SMIM31: variants seen among roughly 807,000 people sequenced by gnomAD.
SMIM31 encodes the protein small integral membrane protein 31, also known as human epithelial cell program regulator.
At chr4:164,763,363 T>G (rs10517823) in intron 1 of SMIM31, among the ~76,000 whole-genome samples, 19,761 of 152,140 alleles carry the variant, frequency 0.13, 1,542 homozygotes, top group African/African-American at 0.21. Flanking sequence ...AACTCAGAAA[T>G]TGTTATTAAA....
intron 2 of SMIM31, among the ~76,000 whole-genome samples, chr4:164,784,684 C>G (rs891630061): frequency 6.6e-6 from 1 of 152,104 alleles, no homozygotes; most frequent in Non-Finnish European, 1.5e-5. Flanking sequence ...GTTTGGGAAT[C>G]CTGGGTCCTA....
intron 1 of SMIM31, among the ~76,000 whole-genome samples, chr4:164,769,875 T>C (rs1732771463): frequency 6.6e-6 from 1 of 152,130 alleles, no homozygotes; most frequent in African/African-American, 2.4e-5. Context: ...AGTGTCAGTA[T>C]AGTATATTGA....
chr4:164,788,123 T>C (rs943859693), intron 2 of SMIM31, among the ~76,000 whole-genome samples: 2 of 152,178 alleles, frequency 1.3e-5, no homozygotes, highest in African/African-American at 4.8e-5. Context: ...AAAATAAATA[T>C]CGTCAGCAAT....
intron 1 of SMIM31, among the ~76,000 whole-genome samples, chr4:164,756,115 A>G: frequency 6.6e-6 from 1 of 152,326 alleles, no homozygotes; most frequent in South Asian, 2.1e-4. Flanking sequence ...TTGAGATAAA[A>G]TTCAATTAGA....
At chr4:164,758,556 G>A (rs1036685346) in intron 1 of SMIM31, among the ~76,000 whole-genome samples, 3 of 150,386 alleles carry the variant, frequency 2.0e-5, no homozygotes, top group African/African-American at 7.3e-5. Flanking sequence ...TTTTTATCAT[G>A]AAGAGTGTTA....
At chr4:164,776,006 G>A (rs1391246928) in intron 2 of SMIM31, among the ~76,000 whole-genome samples, 1 of 152,064 alleles carries the variant, frequency 6.6e-6, no homozygotes, top group African/African-American at 2.4e-5. Context: ...AATCTCCCAG[G>A]CAGAAACCTT....
chr4:164,774,102 C>T lies in SMIM31; in HGVS notation c.112+3547C>T, dbSNP rs185245756. ...AATGGCATGAACCCGGGAGGTGGAGCATGCCGTGAGCTGAGATTGTGCCAC... is the reference window on the plus strand; with the variant it reads ...AATGGCATGAACCCGGGAGGTGGAGTATGCCGTGAGCTGAGATTGTGCCAC... On this transcript the variant is annotated intron_variant, in intron 2 of 2. Coordinates refer to ENST00000507311, the MANE Select transcript of SMIM31 (RefSeq NM_001352885.1). Among the ~76,000 whole-genome samples, 391 of 148,514 alleles carry T rather than the reference C, an allele frequency of 2.6e-3. 2 individuals are homozygous for T. The highest frequency in any genetic ancestry group is 4.2e-3 in the Non-Finnish European group (282 of 67,600).
At chr4:164,774,677 T>G (rs1200736213) in intron 2 of SMIM31, among the ~76,000 whole-genome samples, 6 of 152,218 alleles carry the variant, frequency 3.9e-5, no homozygotes, top group Admixed American at 1.3e-4. Context: ...CATCCATTAT[T>G]TGTCTAAAAT....
At chr4:164,755,216 A>G (rs957159508) in intron 1 of SMIM31, among the ~76,000 whole-genome samples, 52 of 151,590 alleles carry the variant, frequency 3.4e-4, no homozygotes, top group African/African-American at 1.2e-3. Context: ...ACGGTGGCTC[A>G]TGCCTGTAAT....
intron 2 of SMIM31, among the ~76,000 whole-genome samples, chr4:164,800,232 T>G (rs79463116): frequency 6.6e-6 from 1 of 151,986 alleles, no homozygotes; most frequent in South Asian, 2.1e-4. Context: ...TTTTTTTTTT[T>G]GACAAAGTCT....
Position 164,801,044 on chromosome 4 carries a change from C to G in SMIM31, c.113-47C>G, listed in dbSNP as rs1733276386. 2.5e-5 allele frequency: 10 copies of G among 398,020 alleles called. No individual in the cohort carries two copies. In the East Asian group the frequency reaches 3.6e-4, roughly 14 times the overall value. 24.7% of individuals were successfully genotyped at this position (398,020 alleles called of 1,614,324 possible). On this transcript the variant is annotated intron_variant, in intron 2 of 2. Transcript: ENST00000507311. ...AACCGAAGTTAATTTCTACTTTTTCCAAATGGTGTATTTACATTCCTTTTT... is the reference window on the plus strand; with the variant it reads ...AACCGAAGTTAATTTCTACTTTTTCGAAATGGTGTATTTACATTCCTTTTT...
chr4:164,755,168 T>C (rs1325436638), intron 1 of SMIM31, among the ~76,000 whole-genome samples: 1 of 151,496 alleles, frequency 6.6e-6, no homozygotes, highest in African/African-American at 2.4e-5. Flanking sequence ...TTAATTTAAT[T>C]AGAAATATTT....
intron 2 of SMIM31, among the ~76,000 whole-genome samples, chr4:164,791,260 A>C (rs985858590): frequency 1.3e-5 from 2 of 152,186 alleles, no homozygotes; most frequent in African/African-American, 2.4e-5. Flanking sequence ...TAGACATACA[A>C]ATTTATTTGC....
intron 2 of SMIM31, among the ~76,000 whole-genome samples, chr4:164,785,742 GTATGCACATATATATATA>G (rs1408663035): frequency 2.1e-5 from 3 of 141,274 alleles, no homozygotes; most frequent in Non-Finnish European, 3.1e-5. Context: ...TCTTGTGTGT[GTATGCACATATATATATA>G]TATACACATA....
At position 164,754,135 on chromosome 4, in the gene SMIM31, C is replaced by T. The variant is rs952503537; in HGVS notation, c.-302C>T. 3 of 152,186 alleles carry T rather than the reference C, an allele frequency of 2.0e-5. No homozygotes were observed. The highest frequency in any genetic ancestry group is 4.4e-5 in the Non-Finnish European group (3 of 68,054). The allele number at this position is 152,186 out of a possible 1,614,324, so 9.4% of individuals were successfully genotyped here. ...TACGTTTCATTACAGTTTCCTGTTT[C>T]CTTCTTGATCCTTCACAAGGGAAGA... On this transcript the variant is annotated 5_prime_UTR_variant, in exon 1 of 3. Coordinates refer to ENST00000507311, the MANE Select transcript of SMIM31 (RefSeq NM_001352885.1).
intron 2 of SMIM31, among the ~76,000 whole-genome samples, chr4:164,778,591 A>G (rs913948109): frequency 4.6e-5 from 7 of 152,222 alleles, no homozygotes; most frequent in Admixed American, 2.6e-4. Flanking sequence ...AGCACTTAAC[A>G]TATTTAAGCC....
chr4:164,764,523 C>T (rs1056286310), intron 1 of SMIM31, among the ~76,000 whole-genome samples: 7 of 149,582 alleles, frequency 4.7e-5, no homozygotes, highest in African/African-American at 1.5e-4. Context: ...GCCAAGATCG[C>T]GCCACTGCAC....
In SMIM31 at chr4:164,776,142, T is replaced by A. The variant is rs77512051; in HGVS notation, c.112+5587T>A. 2.1e-3 allele frequency among the ~76,000 whole-genome samples: 325 copies of A among 152,270 alleles called. 1 individual carries two copies. The highest frequency in any genetic ancestry group is 7.4e-3 in the African/African-American group (309 of 41,554). On this transcript the variant is annotated intron_variant, in intron 2 of 2. Transcript: ENST00000507311. The stretch of plus-strand genomic sequence containing the variant: ...CCCCTCCTCCCCCTCTACTTGAATC[T>A]TACTTATTCTTCAAATAAGTCATTT...
chr4:164,775,725 G>A (rs1259716549), intron 2 of SMIM31, among the ~76,000 whole-genome samples: 2 of 152,156 alleles, frequency 1.3e-5, no homozygotes, highest in Non-Finnish European at 2.9e-5. Context: ...TGCTTAGTAG[G>A]ATTACAGCTA....
Sources: gnomAD v4.1 joint callset for allele counts (sites outside exome capture counted in the v4.1 genomes callset) on GRCh38, gnomAD v4.1.1 for gene constraint, MANE v1.5 for transcripts, NCBI Gene and HGNC (gene_info 2026-07-23, HGNC 2026-07-21) for gene names.